PDE1A: variants seen among roughly 807,000 people sequenced by gnomAD.
PDE1A encodes the protein phosphodiesterase 1A.
In PDE1A, 35 loss-of-function variants were observed where a neutral mutation model predicts 61.7. The ratio of observed to expected loss-of-function variants is 0.57; its 90% CI spans 0.43 to 0.75. PDE1A has a LOEUF of 0.75. Ranked by LOEUF, PDE1A falls within the 30% of genes least tolerant of loss-of-function variation. The pLI is 0.00. For synonymous variants in PDE1A, 232 were observed against 213.2 expected, an observed-to-expected ratio of 1.09 and a Z score of -0.77; for missense variants, 597 against 630.6, an observed-to-expected ratio of 0.95 and a Z score of 0.57.
At chr2:182,238,138 G>A (rs773783674) in intron 3 of PDE1A, among the ~76,000 whole-genome samples, 2 of 151,698 alleles carry the variant, frequency 1.3e-5, no homozygotes, top group African/African-American at 4.8e-5. Context: ...GCAGGGTTGC[G>A]GGTGCCTGTA....
At chr2:182,550,397 T>C in the PDE1A span, among the ~76,000 whole-genome samples, 104 of 152,312 alleles carry the variant, frequency 6.8e-4, no homozygotes, top group African/African-American at 2.4e-3. Flanking sequence ...AATCATGCTC[T>C]GGGCAACTAT....
intron 2 of PDE1A, among the ~76,000 whole-genome samples, chr2:182,482,111 T>A (rs1221441785): frequency 6.6e-6 from 1 of 151,968 alleles, no homozygotes; most frequent in African/African-American, 2.4e-5. Context: ...GTCTGTATAT[T>A]TTTAATTCCA....
the PDE1A span, among the ~76,000 whole-genome samples, chr2:182,665,792 A>G: frequency 6.6e-6 from 1 of 152,214 alleles, no homozygotes; most frequent in Non-Finnish European, 1.5e-5. Flanking sequence ...CACTATTTAC[A>G]ATAGCAAAGA....
At chr2:182,429,280 C>T (rs1703797102), upstream of PDE1A, among the ~76,000 whole-genome samples, 1 of 151,924 alleles carries the variant, frequency 6.6e-6, no homozygotes, top group Admixed American at 6.6e-5. Context: ...GGCTTTATCA[C>T]CTTATTCAAC....
At chr2:182,265,729 G>A (rs1307381554) in intron 1 of PDE1A, among the ~76,000 whole-genome samples, 1 of 152,142 alleles carries the variant, frequency 6.6e-6, no homozygotes, top group African/African-American at 2.4e-5. Context: ...ATTGTAAGCT[G>A]CGTGTTTCTG....
chr2:182,445,466 A>T (rs1212514618), intron 2 of PDE1A, among the ~76,000 whole-genome samples: 6 of 152,096 alleles, frequency 3.9e-5, no homozygotes, highest in Admixed American at 3.9e-4. Flanking sequence ...GGTTCCACGG[A>T]TGTCGGTGAT....
downstream of PDE1A, chr2:182,143,066 G>A (rs1445179007): frequency 6.6e-6 from 1 of 152,184 alleles, no homozygotes; most frequent in African/African-American, 2.4e-5. Flanking sequence ...TGAAAATATG[G>A]ATCAGAGAAG....
intron 1 of PDE1A, among the ~76,000 whole-genome samples, chr2:182,386,088 C>A (rs183672825): frequency 1.3e-5 from 2 of 152,312 alleles, no homozygotes; most frequent in African/African-American, 4.8e-5. Context: ...CGCGAGTGAT[C>A]CGCCAGCCTC....
chr2:182,679,029 G>T, the PDE1A span, among the ~76,000 whole-genome samples: 1 of 127,760 alleles, frequency 7.8e-6, no homozygotes. Context: ...TTTTGAGTCA[G>T]AGTCTCACTC....
intron 1 of PDE1A, among the ~76,000 whole-genome samples, chr2:182,293,637 A>G (rs1311625714): frequency 6.6e-6 from 1 of 152,196 alleles, no homozygotes; most frequent in African/African-American, 2.4e-5. Flanking sequence ...GAAACTACAG[A>G]AAGTACCATA....
At chr2:182,435,703 C>T (rs1380291379) in intron 2 of PDE1A, among the ~76,000 whole-genome samples, 1 of 152,086 alleles carries the variant, frequency 6.6e-6, no homozygotes, top group Non-Finnish European at 1.5e-5. Context: ...CATACTGAGA[C>T]TTGGTTAGTT....
At chr2:182,227,044 T>C (rs1466178991) in intron 6 of PDE1A, among the ~76,000 whole-genome samples, 1 of 152,014 alleles carries the variant, frequency 6.6e-6, no homozygotes, top group Non-Finnish European at 1.5e-5. Flanking sequence ...TGGATCAACA[T>C]GTCAAAGGTC....
chr2:182,580,184 G>A, the PDE1A span, among the ~76,000 whole-genome samples: 441 of 152,212 alleles, frequency 2.9e-3, no homozygotes, highest in African/African-American at 9.8e-3. Flanking sequence ...GTATATTGAC[G>A]TCCTAACCCT....
the PDE1A span, among the ~76,000 whole-genome samples, chr2:182,663,614 C>G: frequency 3.3e-5 from 5 of 152,024 alleles, no homozygotes; most frequent in Non-Finnish European, 7.4e-5. Flanking sequence ...TAAGTGGGAG[C>G]TAAATGTTGA....
intron 2 of PDE1A, among the ~76,000 whole-genome samples, chr2:182,521,884 T>A (rs747694135): frequency 1.3e-5 from 2 of 152,142 alleles, no homozygotes; most frequent in Non-Finnish European, 2.9e-5. Context: ...TTTCCAAATC[T>A]AATCACAGAG....
At chr2:182,242,926 C>CTCTCTCGTGTGTGTGTGTGT (rs1553550717) in intron 2 of PDE1A, among the ~76,000 whole-genome samples, 1 of 31,786 alleles carries the variant, frequency 3.1e-5, no homozygotes, top group Non-Finnish European at 6.2e-5. Flanking sequence ...CTCTCTCTCT[C>CTCTCTCGTGTGTGTGTGTGT]GTGTGTGTAT....
chr2:182,230,967 CAAAT>C (rs1689530667), intron 5 of PDE1A, 44 bp downstream of exon 5: 3 of 898,490 alleles, frequency 3.3e-6, no homozygotes, highest in African/African-American at 3.4e-5. Context: ...CATTCTTACT[CAAAT>C]AACCAATTCT....
the PDE1A span, among the ~76,000 whole-genome samples, chr2:182,692,157 A>T: frequency 3.3e-5 from 5 of 152,204 alleles, no homozygotes; most frequent in East Asian, 9.6e-4. Context: ...AATGTGACCC[A>T]GCAATCCCAT....
intron 2 of PDE1A, among the ~76,000 whole-genome samples, chr2:182,438,693 C>G (rs536427896): frequency 2.2e-4 from 34 of 151,680 alleles, no homozygotes; most frequent in African/African-American, 8.2e-4. Context: ...TATCCTGGCA[C>G]GACTTAAAGG....
Sources: gnomAD v4.1 joint callset for allele counts (sites outside exome capture counted in the v4.1 genomes callset) on GRCh38, gnomAD v4.1.1 for gene constraint, MANE v1.5 for transcripts, NCBI Gene and HGNC (gene_info 2026-07-23, HGNC 2026-07-21) for gene names.